Variants in TNRC18 observed in about 807,000 individuals in gnomAD.
The protein encoded by TNRC18 is trinucleotide repeat-containing gene 18 protein.
Under a neutral mutation model 226.7 loss-of-function variants are expected in TNRC18, and 69 were observed. The ratio of observed to expected loss-of-function variants is 0.30; its 90% CI spans 0.25 to 0.37. TNRC18 has a LOEUF of 0.37. TNRC18 is among the 10% of genes least tolerant of loss of function. The probability of loss-of-function intolerance (pLI) is 1.00; values close to 1 mark genes in which losing one functional copy is unlikely to be tolerated. For synonymous variants in TNRC18, 2,449 were observed against 1,927.6 expected, an observed-to-expected ratio of 1.27 and a Z score of -7.09; for missense variants, 4,754 against 4,256.6, an observed-to-expected ratio of 1.12 and a Z score of -3.25.
chr7:5,419,257 G>C (rs926819451), intron 2 of TNRC18, among the ~76,000 whole-genome samples: 1 of 152,258 alleles, frequency 6.6e-6, no homozygotes, highest in African/African-American at 2.4e-5. Context: ...GTAGTAGCTT[G>C]TTTTCACCGC....
intron 16 of TNRC18, among the ~76,000 whole-genome samples, chr7:5,355,614 G>A (rs1031916690): frequency 2.0e-5 from 3 of 152,290 alleles, no homozygotes; most frequent in East Asian, 1.9e-4. Context: ...AGCTGCACGT[G>A]GTGGTACACA....
At position 5,315,224 on chromosome 7, in the gene TNRC18, C is replaced by T. The variant is rs1787731926; in HGVS notation, c.6863-76G>A. The T allele has an allele frequency of 1.6e-5, 24 of 1,478,818 alleles. No homozygotes were observed. Among genetic ancestry groups the T allele is most frequent in the Non-Finnish European group, 2.2e-5 (24 of 1,106,598 alleles). 91.6% of individuals were successfully genotyped at this position (1,478,818 alleles called of 1,614,324 possible). On this transcript the variant is annotated intron_variant, in intron 25 of 29. Transcript: ENST00000430969. ...GAGCTTCCAAGACCCTGGTCTGTCC[C>T]GGGGATCAGGGATGGGGGCGGAAGC...
chr7:5,345,518 C>CGGGGG, intron 18 of TNRC18, 44 bp downstream of exon 18: 4 of 167,662 alleles, frequency 2.4e-5, no homozygotes, highest in East Asian at 4.0e-4. Flanking sequence ...ATGGCGTCCG[C>CGGGGG]CCCTCCCACC....
At position 5,309,971 on chromosome 7, in the gene TNRC18, G is replaced by A. The variant is rs145023966; in HGVS notation, c.8389-603C>T. Among the ~76,000 whole-genome samples the A allele has an allele frequency of 1.2e-3, 185 of 152,258 alleles. No individual in the cohort carries two copies. Among genetic ancestry groups the A allele is most frequent in the African/African-American group, 4.3e-3 (177 of 41,546 alleles). On this transcript the variant is annotated intron_variant, in intron 27 of 29. Transcript: ENST00000430969. The surrounding 1 kb of genome is among the most constrained non-coding windows in gnomAD (Gnocchi z 5.7). ...TCTGTCACCCAGGCAGGACTGCAGT[G>A]GTAATATCATAGCTCACTGCAGCCT...
chr7:5,313,366 C>T lies in TNRC18; in HGVS notation c.7525G>A (p.Gly2509Ser), dbSNP rs555208033. ...LSLGSYPPAA[G>S]SSEPKAPWPK... The stretch of plus-strand genomic sequence containing the variant: ...CAGGGTGCCTTGGGCTCGCTGCTGC[C>T]GGCCGCGGGGGGATAGCTGCCCAGG... Residue 2509 changes from glycine (G) to serine (S), a missense_variant, in exon 27 of 30, where the codon GGC (glycine) becomes AGC (serine). Coordinates refer to ENST00000430969, the MANE Select transcript of TNRC18 (RefSeq NM_001080495.3). 17 of 1,574,428 alleles carry T rather than the reference C, an allele frequency of 1.1e-5. No individual in the cohort carries two copies. The highest frequency in any genetic ancestry group is 9.4e-5 in the African/African-American group (7 of 74,076).
chr7:5,311,192 A>ATGTGCATG (rs1554267351), intron 27 of TNRC18, among the ~76,000 whole-genome samples: 9 of 151,720 alleles, frequency 5.9e-5, no homozygotes, highest in Non-Finnish European at 1.3e-4. Context: ...GTGCACACAT[A>ATGTGCATG]TGTGCGTGTG....
At chr7:5,402,157 C>A in intron 2 of TNRC18, among the ~76,000 whole-genome samples, 1 of 118,898 alleles carries the variant, frequency 8.4e-6, no homozygotes. Context: ...CCAGCCTGGG[C>A]AACACAGCGA....
chr7:5,355,563 A>T, intron 16 of TNRC18, among the ~76,000 whole-genome samples: 1 of 152,194 alleles, frequency 6.6e-6, no homozygotes, highest in East Asian at 1.9e-4. Flanking sequence ...ACTAGCCTGG[A>T]AAACAGGGAG....
At chr7:5,383,498 G>A (rs1473154757) in intron 5 of TNRC18, among the ~76,000 whole-genome samples, 2 of 152,232 alleles carry the variant, frequency 1.3e-5, no homozygotes, top group African/African-American at 4.8e-5. Context: ...AGGCCAGAGG[G>A]CTCGAGGCTC....
intron 28 of TNRC18, 35 bp from the exon 29 acceptor site, chr7:5,308,984 C>T: frequency 1.3e-6 from 2 of 1,578,710 alleles, no homozygotes; most frequent in Non-Finnish European, 1.7e-6. Flanking sequence ...TTGGGTGAGC[C>T]CGGGGGCTGC....
At chr7:5,391,997 G>A (rs1459016738) in intron 3 of TNRC18, among the ~76,000 whole-genome samples, 1 of 151,812 alleles carries the variant, frequency 6.6e-6, no homozygotes, top group South Asian at 2.1e-4. Flanking sequence ...GATCTCTCAG[G>A]GACTCAGGTA....
intron 2 of TNRC18, among the ~76,000 whole-genome samples, chr7:5,409,397 T>C (rs1196882756): frequency 6.6e-6 from 1 of 150,586 alleles, no homozygotes; most frequent in African/African-American, 2.4e-5. Context: ...TCTTGGGACA[T>C]AAAAATATGA....
chr7:5,390,115 G>C, intron 4 of TNRC18: 1 of 409,440 alleles, frequency 2.4e-6, no homozygotes, highest in Non-Finnish European at 4.3e-6. Flanking sequence ...TGTAATCCCA[G>C]CACTTTGGAA....
At chr7:5,353,078 C>A (rs1386205918) in intron 16 of TNRC18, among the ~76,000 whole-genome samples, 2 of 152,184 alleles carry the variant, frequency 1.3e-5, no homozygotes, top group Non-Finnish European at 2.9e-5. Flanking sequence ...GATGGTCCGG[C>A]AACTCTTGGG....
chr7:5,307,681 G>A lies in TNRC18; in HGVS notation c.*425C>T, dbSNP rs1462269120. The stretch of plus-strand genomic sequence containing the variant: ...TGGGCTCCATGCTAAGGGTGCTTGG[G>A]AAGCCCAGAGTGAGCGTCAGTTTGG... On this transcript the variant is annotated 3_prime_UTR_variant, in exon 30 of 30. Coordinates refer to ENST00000430969, the MANE Select transcript of TNRC18 (RefSeq NM_001080495.3). 7 of 338,032 alleles carry A rather than the reference G, an allele frequency of 2.1e-5. No homozygotes were observed. The highest frequency in any genetic ancestry group is 3.6e-5 in the Non-Finnish European group (6 of 168,946). 20.9% of individuals were successfully genotyped at this position (338,032 alleles called of 1,614,324 possible). A position where few individuals can be genotyped will look rare whatever the true frequency, so the allele number is the denominator to read the frequency against.
At position 5,359,478 on chromosome 7, in the gene TNRC18, C is replaced by A. The variant is rs745478948; in HGVS notation, c.4753G>T (p.Ala1585Ser). 19 of 1,613,898 alleles carry A rather than the reference C, an allele frequency of 1.2e-5. 1 individual carries two copies. In the South Asian group the frequency reaches 2.0e-4, roughly 17 times the overall value. ...RHKGSEEEHD[A>S]LIGMGKARGR... ...CTGGCTTTCCCCATTCCGATGAGGG[C>A]ATCATGTTCCTCCTCAGACCCCTTG... The change falls in exon 15 of 30, where the codon GCC becomes TCC. Residue 1585 changes from alanine to serine, a missense_variant. Ala to Ser is a moderately conservative substitution (Grantham distance 99, BLOSUM62 1). Coordinates refer to ENST00000430969, the MANE Select transcript of TNRC18 (RefSeq NM_001080495.3).
At chr7:5,331,953 C>T (rs1306697995) in intron 19 of TNRC18, among the ~76,000 whole-genome samples, 1 of 152,058 alleles carries the variant, frequency 6.6e-6, no homozygotes, top group Non-Finnish European at 1.5e-5. Context: ...ATTTACTAGA[C>T]CCATTGGCAG....
At position 5,313,070 on chromosome 7, in the gene TNRC18, G is replaced by A. The variant is rs1413252752; in HGVS notation, c.7821C>T (p.Ser2607=). The change falls in exon 27 of 30, where the codon TCC becomes TCT. Residue 2607 remains serine (S), a synonymous_variant. Coordinates refer to ENST00000430969, the MANE Select transcript of TNRC18 (RefSeq NM_001080495.3). ...AGGAGGAGGCCGGTGAGGCCGCCCT[G>A]GAGCTGGCAGCGCTGCAGTTACGGC... ...TGGRNCSAAS[S]RAASPASSSS... is the part of the protein sequence containing the mutation. 6 of 1,174,508 alleles carry A rather than the reference G, an allele frequency of 5.1e-6. No individual in the cohort carries two copies. The highest frequency in any genetic ancestry group is 7.4e-6 in the Non-Finnish European group (6 of 815,478). The allele number at this position is 1,174,508 out of a possible 1,614,324, so 72.8% of individuals were successfully genotyped here. A position where few individuals can be genotyped will look rare whatever the true frequency, so the allele number is the denominator to read the frequency against.
chr7:5,396,054 T>G (rs1004035415), intron 2 of TNRC18, among the ~76,000 whole-genome samples: 13 of 134,708 alleles, frequency 9.7e-5, no homozygotes, highest in Non-Finnish European at 1.6e-4. Context: ...ACCTGTAATT[T>G]TAGCTACTCG....
Sources: gnomAD v4.1 joint callset for allele counts (sites outside exome capture counted in the v4.1 genomes callset) on GRCh38, gnomAD v4.1.1 for gene constraint, Gnocchi (gnomAD v3.1) non-coding constraint, MANE v1.5 for transcripts, NCBI Gene and HGNC (gene_info 2026-07-23, HGNC 2026-07-21) for gene names.